The following PKIB variants were observed in gnomAD, a reference collection of about 807,000 sequenced individuals.
The protein encoded by PKIB is cAMP-dependent protein kinase inhibitor beta, also known as PKI-beta.
PKIB carries 2 observed loss-of-function variants against 4.5 expected under a neutral mutation model. The ratio of observed to expected loss-of-function variants is 0.44; its 90% CI spans 0.18 to 1.39. The LOEUF (loss-of-function observed/expected upper bound fraction) is 1.39. Ranked by LOEUF, PKIB falls within the 40% of genes most tolerant of loss-of-function variation. PKIB has a pLI of 0.27. For synonymous variants in PKIB, 38 were observed against 36.0 expected (o/e 1.06, Z -0.20); for missense variants, 94 against 92.6 (o/e 1.02, Z -0.06).
At chr6:122,555,726 G>A (rs1207718731) in intron 2 of PKIB, among the ~76,000 whole-genome samples, 9 of 151,986 alleles carry the variant, frequency 5.9e-5, no homozygotes, top group Non-Finnish European at 1.2e-4. Flanking sequence ...TCTTATCTTA[G>A]TGTTCTGCTT....
At chr6:122,526,702 C>T (rs1252534151) in intron 2 of PKIB, among the ~76,000 whole-genome samples, 1 of 152,004 alleles carries the variant, frequency 6.6e-6, no homozygotes, top group Admixed American at 6.6e-5. Flanking sequence ...AGAGCACAAG[C>T]AGAGTAGATT....
intron 2 of PKIB, among the ~76,000 whole-genome samples, chr6:122,637,583 T>C: frequency 6.6e-6 from 1 of 151,838 alleles, no homozygotes; most frequent in East Asian, 1.9e-4. Flanking sequence ...ACTGAAACCC[T>C]ATCTCTACTA....
At chr6:122,539,957 G>C (rs1050648541) in intron 2 of PKIB, among the ~76,000 whole-genome samples, 1 of 152,072 alleles carries the variant, frequency 6.6e-6, no homozygotes, top group Admixed American at 6.5e-5. Context: ...AGATTTTCTA[G>C]TTTATTTGGG....
intron 2 of PKIB, among the ~76,000 whole-genome samples, chr6:122,525,320 A>G (rs964493961): frequency 2.0e-5 from 3 of 152,150 alleles, no homozygotes; most frequent in African/African-American, 4.8e-5. Context: ...AATACTTTGT[A>G]TGATTTCAGT....
intron 2 of PKIB, among the ~76,000 whole-genome samples, chr6:122,667,417 G>A (rs1473813482): frequency 3.9e-5 from 6 of 152,072 alleles, no homozygotes; most frequent in African/African-American, 1.4e-4. Flanking sequence ...GGCGCCTGTA[G>A]TCCCAGCTAC....
chr6:122,569,806 C>T (rs184930246), intron 2 of PKIB, among the ~76,000 whole-genome samples: 65 of 152,332 alleles, frequency 4.3e-4, no homozygotes, highest in African/African-American at 1.3e-3. Context: ...GGGAACACCC[C>T]GTGGAACAAA....
chr6:122,495,368 T>C (rs1776048981), intron 2 of PKIB, among the ~76,000 whole-genome samples: 1 of 152,088 alleles, frequency 6.6e-6, no homozygotes, highest in African/African-American at 2.4e-5. Flanking sequence ...TCACCTGTGG[T>C]CCAGAGCCCT....
At chr6:122,561,075 T>G (rs1772997136) in intron 2 of PKIB, among the ~76,000 whole-genome samples, 1 of 152,052 alleles carries the variant, frequency 6.6e-6, no homozygotes. Flanking sequence ...TCCTTTCTTC[T>G]GCTGGGCCTG....
chr6:122,602,367 C>CT (rs1774396407), intron 3 of PKIB, among the ~76,000 whole-genome samples: 2 of 152,132 alleles, frequency 1.3e-5, no homozygotes, highest in South Asian at 2.1e-4. Flanking sequence ...TTTGTTTTCT[C>CT]TAACATTTTG....
At chr6:122,666,364 C>T (rs1000926140) in intron 2 of PKIB, among the ~76,000 whole-genome samples, 2 of 152,168 alleles carry the variant, frequency 1.3e-5, no homozygotes, top group African/African-American at 4.8e-5. Flanking sequence ...AAATCATGTC[C>T]GTTTAATAGC....
intron 3 of PKIB, among the ~76,000 whole-genome samples, chr6:122,700,294 A>G (rs1348376616): frequency 1.1e-4 from 13 of 123,176 alleles, no homozygotes; most frequent in African/African-American, 3.2e-4. Flanking sequence ...CACTGGACAT[A>G]TTTGGTGGTG....
At chr6:122,615,999 G>A (rs1415288252) in intron 1 of PKIB, among the ~76,000 whole-genome samples, 1 of 152,166 alleles carries the variant, frequency 6.6e-6, no homozygotes, top group African/African-American at 2.4e-5. Flanking sequence ...AATACAGTGG[G>A]TGTGAGTAAA....
intron 2 of PKIB, among the ~76,000 whole-genome samples, chr6:122,514,307 G>A (rs1213597777): frequency 6.6e-6 from 1 of 152,124 alleles, no homozygotes; most frequent in Non-Finnish European, 1.5e-5. Context: ...AAAAACCCAT[G>A]CCACAAATTT....
intron 3 of PKIB, among the ~76,000 whole-genome samples, chr6:122,708,578 TA>T (rs1779149829): frequency 6.6e-6 from 1 of 152,184 alleles, no homozygotes; most frequent in African/African-American, 2.4e-5. Context: ...AAGCAGATTG[TA>T]AATGATTTTT....
chr6:122,640,063 G>A (rs1398958633), intron 2 of PKIB, among the ~76,000 whole-genome samples: 2 of 152,114 alleles, frequency 1.3e-5, no homozygotes, highest in Non-Finnish European at 2.9e-5. Context: ...CAGAGAAAAG[G>A]AGATAGTACG....
chr6:122,724,531 A>T (rs1382296789), intron 4 of PKIB, among the ~76,000 whole-genome samples: 1 of 152,214 alleles, frequency 6.6e-6, no homozygotes, highest in Admixed American at 6.5e-5. Flanking sequence ...TTACATAGCC[A>T]GTGCTCACAA....
At chr6:122,568,020 A>AT (rs954846299) in intron 2 of PKIB, among the ~76,000 whole-genome samples, 46 of 152,162 alleles carry the variant, frequency 3.0e-4, no homozygotes, top group African/African-American at 1.1e-3. Flanking sequence ...ATTAATTAAA[A>AT]TATAGACAGA....
At chr6:122,533,936 A>G (rs1441393389) in intron 2 of PKIB, among the ~76,000 whole-genome samples, 1 of 151,680 alleles carries the variant, frequency 6.6e-6, no homozygotes, top group African/African-American at 2.4e-5. Flanking sequence ...CCTTCTATCA[A>G]CCATCCTCTC....
chr6:122,618,630 TATC>T (rs1385569066), intron 1 of PKIB, among the ~76,000 whole-genome samples: 3 of 152,084 alleles, frequency 2.0e-5, no homozygotes, highest in African/African-American at 7.2e-5. Context: ...AAAATTATCA[TATC>T]ATATTCCCTG....
Sources: allele counts gnomAD v4.1 joint callset (sites outside exome capture counted in the v4.1 genomes callset), GRCh38; gene constraint gnomAD v4.1.1; transcripts MANE v1.5; gene names NCBI Gene and HGNC (gene_info 2026-07-23, HGNC 2026-07-21).